The following NEDD4 variants were observed in gnomAD, a reference collection of about 807,000 sequenced individuals.
The protein encoded by NEDD4 is NEDD4 E3 ubiquitin protein ligase, also known as E3 ubiquitin-protein ligase NEDD4.
Under a neutral mutation model 144.9 loss-of-function variants are expected in NEDD4, and 99 were observed. That is an observed-to-expected ratio of 0.68 (90% confidence interval 0.58 to 0.81). The LOEUF is 0.81. Ranked by LOEUF, NEDD4 falls within the 30% of genes least tolerant of loss-of-function variation. NEDD4 has a pLI of 0.00. For synonymous variants in NEDD4, 318 were observed against 350.6 expected (o/e 0.91, Z 1.04); for missense variants, 985 against 1,065.9 (o/e 0.92, Z 1.06).
rs980109687 is a variant in NEDD4, at chr15:55,893,221, A to G, written c.292-19213T>C. Among the ~76,000 whole-genome samples the G allele has an allele frequency of 2.6e-5, 4 of 152,124 alleles. No homozygotes were observed. The East Asian group carries it at 5.8e-4, about 22-fold the overall frequency. On this transcript the variant is annotated intron_variant, in intron 5 of 28. Transcript: ENST00000435532. ...TTACATTTGTATTAGTATCTTAATC[A>G]TTGTTAATAACAACTGTCTTCACAG...
At position 55,915,924 on chromosome 15, in the gene NEDD4, G is replaced by A. The variant is rs753469187; in HGVS notation, c.291+8722C>T. The A allele has an allele frequency of 6.2e-7, 1 of 1,613,930 alleles. No homozygotes were observed. Among genetic ancestry groups the A allele is most frequent in the South Asian group, 1.1e-5 (1 of 91,060 alleles). On this transcript the variant is annotated intron_variant, in intron 5 of 28. Coordinates refer to ENST00000435532, the MANE Select transcript of NEDD4 (RefSeq NM_006154.4). ...ATCCTCATTATGTGCAATTTCACTAGGAGAAATAATAAACTGGTGTGAAGT... is the reference window on the plus strand; with the variant it reads ...ATCCTCATTATGTGCAATTTCACTAAGAGAAATAATAAACTGGTGTGAAGT...
chr15:55,970,953 G>A (rs747317636), intron 1 of NEDD4, among the ~76,000 whole-genome samples: 9 of 152,178 alleles, frequency 5.9e-5, no homozygotes, highest in Admixed American at 6.5e-5. Flanking sequence ...TAGGGCACCA[G>A]TGACCAATTC....
chr15:55,896,422 G>A (rs566508356), intron 5 of NEDD4, among the ~76,000 whole-genome samples: 1 of 152,080 alleles, frequency 6.6e-6, no homozygotes, highest in South Asian at 2.1e-4. Context: ...GGCCTCAAGG[G>A]ATGCACCTGC....
At chr15:55,941,820 G>C (rs752352790) in intron 4 of NEDD4, among the ~76,000 whole-genome samples, 2 of 152,120 alleles carry the variant, frequency 1.3e-5, no homozygotes, top group Non-Finnish European at 2.9e-5. Context: ...TGATATGCCT[G>C]CATCGGCTTC....
chr15:55,907,105 A>C (rs1001395068), intron 5 of NEDD4, among the ~76,000 whole-genome samples: 18 of 151,948 alleles, frequency 1.2e-4, no homozygotes, highest in Non-Finnish European at 1.9e-4. Flanking sequence ...AAATAAAAAA[A>C]AATAAAAATA....
At chr15:55,951,625 T>G (rs1292447089) in intron 2 of NEDD4, 36 bp from the exon 3 acceptor site, 1 of 1,408,170 alleles carries the variant, frequency 7.1e-7, no homozygotes, top group Admixed American at 3.0e-5. Flanking sequence ...AGAAAAATTT[T>G]AATTATTGCT....
chr15:55,936,289 T>C (rs1445069017), intron 4 of NEDD4, among the ~76,000 whole-genome samples: 2 of 152,108 alleles, frequency 1.3e-5, no homozygotes, highest in Non-Finnish European at 2.9e-5. Context: ...GTAAGTTTCA[T>C]TGAGGGTAGG....
At chr15:55,956,062 C>A (rs951147012) in intron 2 of NEDD4, among the ~76,000 whole-genome samples, 7 of 152,136 alleles carry the variant, frequency 4.6e-5, no homozygotes, top group African/African-American at 1.7e-4. Flanking sequence ...GATCCTCCCA[C>A]CTTGGCCTCC....
chr15:55,941,851 G>C (rs1415411125), intron 4 of NEDD4, among the ~76,000 whole-genome samples: 2 of 152,136 alleles, frequency 1.3e-5, no homozygotes, highest in Non-Finnish European at 2.9e-5. Flanking sequence ...AGGATTATAG[G>C]CGTGAGCCAT....
chr15:55,839,263 A>G (rs1463990590), intron 21 of NEDD4, among the ~76,000 whole-genome samples: 2 of 152,016 alleles, frequency 1.3e-5, no homozygotes, highest in Non-Finnish European at 2.9e-5. Context: ...TCCTGACCTC[A>G]AGTGATCCAC....
chr15:55,923,659 A>AAATAT (rs546642962), intron 5 of NEDD4, among the ~76,000 whole-genome samples: 9,061 of 134,778 alleles, frequency 0.067, 466 homozygotes, highest in East Asian at 0.24. Context: ...AAAAAAAAAA[A>AAATAT]ATATATATAT....
intron 12 of NEDD4, 147 bp from the exon 13 acceptor site, chr15:55,852,690 A>AATATATATATATATATATATATATAT (rs59736982): frequency 2.2e-5 from 4 of 182,372 alleles, no homozygotes; most frequent in African/African-American, 1.1e-4. Flanking sequence ...CTTTTCTAGA[A>AATATATATATATATATATATATATAT]ATATATATAT....
chr15:55,951,433 A>AT lies in NEDD4; in HGVS notation c.199-20_199-19insA, dbSNP rs2142301272. 8.6e-7 allele frequency: 1 copy of AT among 1,164,298 alleles called. No homozygotes were observed. Among genetic ancestry groups the AT allele is most frequent in the South Asian group, 1.5e-5 (1 of 67,168 alleles). 72.1% of individuals were successfully genotyped at this position (1,164,298 alleles called of 1,614,324 possible). On this transcript the variant is annotated intron_variant, in intron 3 of 28. Transcript: ENST00000435532. Reference sequence around the variant, plus strand: ...TCAAACTCTAAAAAATAATAAACATAGTATAACTAAATAAGGTTTTGTCTT... The same window carrying AT: ...TCAAACTCTAAAAAATAATAAACATATGTATAACTAAATAAGGTTTTGTCTT...
In NEDD4 at chr15:55,953,115, G is replaced by A. The variant is rs544217702; in HGVS notation, c.120-1526C>T. ...TGCCATTCTCCTGCCTAAGCCTCCC[G>A]AGTAGCTGGGACTGCAGGCGCACAC... On this transcript the variant is annotated intron_variant, in intron 2 of 28. Coordinates refer to ENST00000435532, the MANE Select transcript of NEDD4 (RefSeq NM_006154.4). Among the ~76,000 whole-genome samples the A allele has an allele frequency of 5.5e-4, 82 of 150,066 alleles. 1 individual carries two copies. Among genetic ancestry groups the A allele is most frequent in the African/African-American group, 1.9e-3 (79 of 40,768 alleles).
rs200302839 is a variant in NEDD4, at chr15:55,869,581, C to G, written c.505G>C (p.Glu169Gln). The G allele has an allele frequency of 2.3e-3, 3,561 of 1,561,596 alleles. 56 individuals carry two copies. Among genetic ancestry groups the G allele is most frequent in the South Asian group, 0.019 (1,575 of 83,816 alleles). Residue 169 changes from glutamate (E) to glutamine (Q), a missense_variant and splice_region_variant, in exon 8 of 29, where the codon GAG becomes CAG. Transcript: ENST00000435532. ...DDNAEQAEEL[E>Q]PGWVVLDQPD... ...ACCAAATATTTATAAAATCTCACCTCTAATTCCTCAGCCTGTTCTGCATTA... is the reference window on the plus strand; with the variant it reads ...ACCAAATATTTATAAAATCTCACCTGTAATTCCTCAGCCTGTTCTGCATTA...
rs2033278722 is a variant in NEDD4, at chr15:55,837,742, G to C, written c.2262+47C>G. 4.2e-6 allele frequency: 6 copies of C among 1,417,326 alleles called. No individual in the cohort carries two copies. The Admixed American group carries it at 1.1e-4, about 25-fold the overall frequency. 87.8% of individuals were successfully genotyped at this position (1,417,326 alleles called of 1,614,324 possible). A position where few individuals can be genotyped will look rare whatever the true frequency, so the allele number is the denominator to read the frequency against. On this transcript the variant is annotated intron_variant, in intron 24 of 28. Coordinates refer to ENST00000435532, the MANE Select transcript of NEDD4 (RefSeq NM_006154.4). ...TGAGGCCTAATATTTGAAACTTATA[G>C]GTTATACTGTGACATTATGGAAGAG... is the stretch of plus-strand genomic sequence containing the variant.
chr15:55,863,957 T>C (rs2034497910), intron 8 of NEDD4, among the ~76,000 whole-genome samples: 1 of 152,230 alleles, frequency 6.6e-6, no homozygotes, highest in Non-Finnish European at 1.5e-5. Context: ...CTTTCTCCTC[T>C]GGACCAAGGC....
In NEDD4 at chr15:55,966,471, AC is replaced by A; in HGVS notation, c.119+1del. 1.3e-6 allele frequency: 2 copies of A among 1,500,128 alleles called. No homozygotes were observed. The highest frequency in any genetic ancestry group is 9.0e-7 in the Non-Finnish European group (1 of 1,113,666). The allele number at this position is 1,500,128 out of a possible 1,614,324, so 92.9% of individuals were successfully genotyped here. A position where few individuals can be genotyped will look rare whatever the true frequency, so the allele number is the denominator to read the frequency against. On this transcript the variant is annotated splice_donor_variant, in intron 2 of 28. Transcript: ENST00000435532. LOFTEE classifies it high-confidence loss of function. ...AATTATAATCCAAATAGATATACTT[AC>A]CTAGCTCCCAATATATCCTTCTTGG...
At chr15:55,951,351 T>A (rs1195523971) in intron 4 of NEDD4, 25 bp downstream of exon 4, 1 of 849,286 alleles carries the variant, frequency 1.2e-6, no homozygotes, top group Non-Finnish European at 1.8e-6. Flanking sequence ...TTTTTCCACT[T>A]TAGTAAAATA....
Sources: allele counts gnomAD v4.1 joint callset (sites outside exome capture counted in the v4.1 genomes callset), GRCh38; gene constraint gnomAD v4.1.1; transcripts MANE v1.5; gene names NCBI Gene and HGNC (gene_info 2026-07-23, HGNC 2026-07-21).